The following NUDT18 variants were observed in gnomAD, a reference collection of about 807,000 sequenced individuals.
The protein encoded by NUDT18 is 8-oxo-dGDP phosphatase NUDT18.
NUDT18 carries 26 observed loss-of-function variants against 27.6 expected under a neutral mutation model. The observed-to-expected ratio is 0.94, with a 90% confidence interval of 0.69 to 1.31. The LOEUF (loss-of-function observed/expected upper bound fraction) is 1.31. Ranked by LOEUF, NUDT18 falls within the 50% of genes most tolerant of loss-of-function variation. The pLI is 0.00. For synonymous variants in NUDT18, 220 were observed against 196.9 expected, an observed-to-expected ratio of 1.12 and a Z score of -0.98; for missense variants, 450 against 433.4, an observed-to-expected ratio of 1.04 and a Z score of -0.34.
intron 2 of NUDT18, 42 bp from the exon 3 acceptor site, chr8:22,107,937 G>A: frequency 6.7e-7 from 1 of 1,486,792 alleles, no homozygotes; most frequent in Non-Finnish European, 9.1e-7. Flanking sequence ...GGTCTGTGTG[G>A]AGAGAAGTGC....
chr8:22,109,286 G>A lies in NUDT18; in HGVS notation c.15C>T (p.Gly5=). The part of the protein sequence containing the change: MASE[G]LAGALASVLA... Reference sequence around the variant, plus strand: ...GCACGGAAGCCAGCGCCCCCGCCAGGCCCTCCGAGGCCATCGGGTCCCCCG... The same window carrying A: ...GCACGGAAGCCAGCGCCCCCGCCAGACCCTCCGAGGCCATCGGGTCCCCCG... The change falls in exon 1 of 3, where the codon GGC becomes GGT. Residue 5 remains glycine (G), a synonymous_variant. Coordinates refer to ENST00000611621, the MANE Select transcript of NUDT18 (RefSeq NM_024815.4). The A allele has an allele frequency of 7.3e-7, 1 of 1,372,160 alleles. No homozygotes were observed. Among genetic ancestry groups the A allele is most frequent in the Non-Finnish European group, 9.3e-7 (1 of 1,069,734 alleles). 85.0% of individuals were successfully genotyped at this position (1,372,160 alleles called of 1,614,324 possible). A position where few individuals can be genotyped will look rare whatever the true frequency, so the allele number is the denominator to read the frequency against.
At chr8:22,109,747 T>C (rs1469319858), upstream of NUDT18, 11 of 456,666 alleles carry the variant, frequency 2.4e-5, no homozygotes, top group Admixed American at 1.7e-4. Flanking sequence ...TAGGCGACGG[T>C]GACGCGACAA....
Position 22,107,604 on chromosome 8 carries a change from G to A in NUDT18, c.668C>T (p.Pro223Leu). The A allele has an allele frequency of 6.2e-7, 1 of 1,613,188 alleles. No individual in the cohort carries two copies. The highest frequency in any genetic ancestry group is 8.5e-7 in the Non-Finnish European group (1 of 1,179,842). ...CTTCATGCCACCCCTCTGCTCCATAGGGTCGAGGCCACAGGCAGTGACAGG... is the reference window on the plus strand; with the variant it reads ...CTTCATGCCACCCCTCTGCTCCATAAGGTCGAGGCCACAGGCAGTGACAGG... ...HLPVTACGLD[P>L]MEQRGGMKMA... The change falls in exon 3 of 3, where the codon CCT (proline) becomes CTT (leucine). Residue 223 changes from proline (P) to leucine (L), a missense_variant. By Grantham distance (98) the Pro-to-Leu change is moderately conservative. Transcript: ENST00000611621.
Position 22,109,224 on chromosome 8 carries a change from G to C in NUDT18, c.77C>G (p.Ser26Trp). ...GQGSSVHSCD[S>W]APAGEPPAPV... is the part of the protein sequence containing the mutation. Reference sequence around the variant, plus strand: ...CGCCGGCGGCTCCCCGGCCGGCGCCGAGTCGCAGCTGTGCACGCTGGACCC... The same window carrying C: ...CGCCGGCGGCTCCCCGGCCGGCGCCCAGTCGCAGCTGTGCACGCTGGACCC... Residue 26 changes from serine to tryptophan, a missense_variant, in exon 1 of 3, where the codon TCG (serine) becomes TGG (tryptophan). By Grantham distance (177) the Ser-to-Trp change is radical. Transcript: ENST00000611621. The C allele has an allele frequency of 2.1e-6, 3 of 1,440,814 alleles. No individual in the cohort carries two copies. The highest frequency in any genetic ancestry group is 1.4e-5 in the South Asian group (1 of 72,934). 89.3% of individuals were successfully genotyped at this position (1,440,814 alleles called of 1,614,324 possible).
At position 22,107,408 on chromosome 8, in the gene NUDT18, T is replaced by G. The variant is rs1225077799; in HGVS notation, c.864A>C (p.Pro288=). 1.2e-6 allele frequency: 2 copies of G among 1,613,366 alleles called. No individual in the cohort carries two copies. Among genetic ancestry groups the G allele is most frequent in the Non-Finnish European group, 1.7e-6 (2 of 1,179,810 alleles). ...FRSPGIQDEP[P]KVRGENFSWW... ...AAGAGAAGTTCTCACCCCGAACTTT[T>G]GGGGGTTCATCCTGGATCCCTGGGC... Residue 288 remains proline (P), a synonymous_variant, in exon 3 of 3, where the codon CCA becomes CCC. Coordinates refer to ENST00000611621, the MANE Select transcript of NUDT18 (RefSeq NM_024815.4).
chr8:22,108,480 T>C (rs1826407935), intron 1 of NUDT18, 134 bp from the exon 2 acceptor site: 1 of 701,664 alleles, frequency 1.4e-6, no homozygotes, highest in Non-Finnish European at 2.3e-6. Context: ...CCAGGAGACC[T>C]GCCCTCGTGT....
At position 22,109,247 on chromosome 8, in the gene NUDT18, C is replaced by T. The variant is rs367707934; in HGVS notation, c.54G>A (p.Gly18=). 17 of 1,418,746 alleles carry T rather than the reference C, an allele frequency of 1.2e-5. 1 individual carries two copies. The East Asian group carries it at 1.2e-4, about 10-fold the overall frequency. The allele number at this position is 1,418,746 out of a possible 1,614,324, so 87.9% of individuals were successfully genotyped here. The stretch of plus-strand genomic sequence containing the variant: ...CCGAGTCGCAGCTGTGCACGCTGGA[C>T]CCCTGGCCAGCCAGCACGGAAGCCA... ...GALASVLAGQ[G]SSVHSCDSAP... The change falls in exon 1 of 3, where the codon GGG becomes GGA. Residue 18 remains glycine (G), a synonymous_variant. Transcript: ENST00000611621.
intron 2 of NUDT18, 47 bp downstream of exon 2, chr8:22,108,085 GA>G: frequency 6.9e-7 from 1 of 1,443,760 alleles, no homozygotes; most frequent in Non-Finnish European, 9.2e-7. Flanking sequence ...GGAGCTGGGG[GA>G]AAGGTGTCAA....
chr8:22,109,489 G>T, upstream of NUDT18: 1 of 515,988 alleles, frequency 1.9e-6, no homozygotes, highest in Non-Finnish European at 3.2e-6. Context: ...GCGGCGCCGC[G>T]GCCTGCCCGG....
In NUDT18 at chr8:22,107,909, G is replaced by C. The variant is rs376379443; in HGVS notation, c.377-14C>G. ...TGAGAATTCCACCTGGGGGAGATGT[G>C]GGGGATGGGGCAGGGAGGGTCTGTG... On this transcript the variant is annotated splice_polypyrimidine_tract_variant and intron_variant, in intron 2 of 2. Transcript: ENST00000611621. The C allele has an allele frequency of 1.4e-5, 22 of 1,554,428 alleles. No homozygotes were observed. Among genetic ancestry groups the C allele is most frequent in the Non-Finnish European group, 1.7e-5 (20 of 1,145,780 alleles).
At position 22,109,378 on chromosome 8, in the gene NUDT18, C is replaced by CCCGCTCCCAGTCCCCGCGGAGA; in HGVS notation, c.-79_-78insTCTCCGCGGGGACTGGGAGCGG. 8.4e-7 allele frequency: 1 copy of CCCGCTCCCAGTCCCCGCGGAGA among 1,195,274 alleles called. No individual in the cohort carries two copies. Among genetic ancestry groups the CCCGCTCCCAGTCCCCGCGGAGA allele is most frequent in the Non-Finnish European group, 1.1e-6 (1 of 931,084 alleles). 74.0% of individuals were successfully genotyped at this position (1,195,274 alleles called of 1,614,324 possible). A position where few individuals can be genotyped will look rare whatever the true frequency, so the allele number is the denominator to read the frequency against. On this transcript the variant is annotated 5_prime_UTR_variant, in exon 1 of 3. Coordinates refer to ENST00000611621, the MANE Select transcript of NUDT18 (RefSeq NM_024815.4). ...CCGCGGGCTAGAGTGCGCTGCGGAG[C>CCCGCTCCCAGTCCCCGCGGAGA]CCGCTCCCAGTCCCTGCGGCAGCGG...
At chr8:22,110,306 C>T (rs954628064), upstream of NUDT18, among the ~76,000 whole-genome samples, 2 of 152,276 alleles carry the variant, frequency 1.3e-5, no homozygotes, top group African/African-American at 2.4e-5. Flanking sequence ...GTGGCGAGCG[C>T]CTGCTCCTCT....
upstream of NUDT18, among the ~76,000 whole-genome samples, chr8:22,110,119 G>T (rs774153955): frequency 2.0e-4 from 31 of 152,190 alleles, no homozygotes; most frequent in Non-Finnish European, 3.5e-4. Flanking sequence ...CCGTCAGCCG[G>T]CCCACCCTCA....
rs1419592972 is a variant in NUDT18 at position 22,109,369 on chromosome 8, G to C, written c.-69C>G. On this transcript the variant is annotated 5_prime_UTR_variant, in exon 1 of 3. Coordinates refer to ENST00000611621, the MANE Select transcript of NUDT18 (RefSeq NM_024815.4). Reference sequence around the variant, plus strand: ...TGAGCCGAGCCGCGGGCTAGAGTGCGCTGCGGAGCCCGCTCCCAGTCCCTG... The same window carrying C: ...TGAGCCGAGCCGCGGGCTAGAGTGCCCTGCGGAGCCCGCTCCCAGTCCCTG... 2.2e-5 allele frequency: 16 copies of C among 712,804 alleles called. No homozygotes were observed. Among genetic ancestry groups the C allele is most frequent in the South Asian group, 4.3e-5 (1 of 23,082 alleles). The allele number at this position is 712,804 out of a possible 1,614,324, so 44.2% of individuals were successfully genotyped here. A position where few individuals can be genotyped will look rare whatever the true frequency, so the allele number is the denominator to read the frequency against.
Position 22,107,887 on chromosome 8 carries a change from G to A in NUDT18, c.385C>T (p.Leu129Phe). ...VFLARPTGGI[L>F]KTSKEADAES... ...GCATCGGCCTCCTTGGAAGTCTTGA[G>A]AATTCCACCTGGGGGAGATGTGGGG... Residue 129 changes from leucine (L) to phenylalanine (F), a missense_variant, in exon 3 of 3, where the codon CTC becomes TTC. Coordinates refer to ENST00000611621, the MANE Select transcript of NUDT18 (RefSeq NM_024815.4). 2 of 1,576,896 alleles carry A rather than the reference G, an allele frequency of 1.3e-6. No homozygotes were observed. The highest frequency in any genetic ancestry group is 1.7e-6 in the Non-Finnish European group (2 of 1,159,134).
At chr8:22,108,761 C>T (rs1279221869) in intron 1 of NUDT18, among the ~76,000 whole-genome samples, 3 of 152,240 alleles carry the variant, frequency 2.0e-5, no homozygotes, top group African/African-American at 7.2e-5. Context: ...CACCTCCGCT[C>T]TGTACAACCC....
Position 22,109,378 on chromosome 8 carries a change from C to CCCGCTCCCAGGCCCTGCGGAGA in NUDT18, c.-79_-78insTCTCCGCAGGGCCTGGGAGCGG. The CCCGCTCCCAGGCCCTGCGGAGA allele has an allele frequency of 2.5e-6, 3 of 1,195,274 alleles. No individual in the cohort carries two copies. The highest frequency in any genetic ancestry group is 2.1e-6 in the Non-Finnish European group (2 of 931,084). The allele number at this position is 1,195,274 out of a possible 1,614,324, so 74.0% of individuals were successfully genotyped here. On this transcript the variant is annotated 5_prime_UTR_variant, in exon 1 of 3. Transcript: ENST00000611621. ...CCGCGGGCTAGAGTGCGCTGCGGAGCCCGCTCCCAGTCCCTGCGGCAGCGG... is the reference window on the plus strand; with the variant it reads ...CCGCGGGCTAGAGTGCGCTGCGGAGCCCGCTCCCAGGCCCTGCGGAGACCGCTCCCAGTCCCTGCGGCAGCGG...
Position 22,109,378 on chromosome 8 carries a change from C to CCCGCTCCCAATCCCTGCGGAGA in NUDT18, c.-79_-78insTCTCCGCAGGGATTGGGAGCGG. 1 of 1,195,274 alleles carries CCCGCTCCCAATCCCTGCGGAGA rather than the reference C, an allele frequency of 8.4e-7. No individual in the cohort carries two copies. Among genetic ancestry groups the CCCGCTCCCAATCCCTGCGGAGA allele is most frequent in the Non-Finnish European group, 1.1e-6 (1 of 931,084 alleles). 74.0% of individuals were successfully genotyped at this position (1,195,274 alleles called of 1,614,324 possible). On this transcript the variant is annotated 5_prime_UTR_variant, in exon 1 of 3. Coordinates refer to ENST00000611621, the MANE Select transcript of NUDT18 (RefSeq NM_024815.4). The stretch of plus-strand genomic sequence containing the variant: ...CCGCGGGCTAGAGTGCGCTGCGGAG[C>CCCGCTCCCAATCCCTGCGGAGA]CCGCTCCCAGTCCCTGCGGCAGCGG...
At position 22,107,573 on chromosome 8, in the gene NUDT18, G is replaced by C. The variant is rs374856001; in HGVS notation, c.699C>G (p.Ala233=). ...PMEQRGGMKM[A]VLRLLQECLT... ...GACACTCCTGCAGCAGCCGCAGGACGGCCATCTTCATGCCACCCCTCTGCT... is the reference window on the plus strand; with the variant it reads ...GACACTCCTGCAGCAGCCGCAGGACCGCCATCTTCATGCCACCCCTCTGCT... The change falls in exon 3 of 3, where the codon GCC becomes GCG. Residue 233 remains alanine (A), a synonymous_variant. Transcript: ENST00000611621. The C allele has an allele frequency of 6.2e-7, 1 of 1,612,952 alleles. No homozygotes were observed. Among genetic ancestry groups the C allele is most frequent in the Non-Finnish European group, 8.5e-7 (1 of 1,179,876 alleles).
Sources: allele counts gnomAD v4.1 joint callset (sites outside exome capture counted in the v4.1 genomes callset), GRCh38; gene constraint gnomAD v4.1.1; transcripts MANE v1.5; gene names NCBI Gene and HGNC (gene_info 2026-07-23, HGNC 2026-07-21).